Variants in SLC19A3 observed in about 807,000 individuals in gnomAD.
SLC19A3 encodes thiamine transporter 2.
SLC19A3 carries 31 observed loss-of-function variants against 40.2 expected under a neutral mutation model. That is an observed-to-expected ratio of 0.77 (90% CI 0.58 to 1.04). The LOEUF (loss-of-function observed/expected upper bound fraction) is 1.04, where lower values mean the gene tolerates loss of function less well. Among genes scored for constraint, SLC19A3 ranks in the 50% least tolerant of loss-of-function variants. SLC19A3 has a pLI of 0.00. For synonymous variants in SLC19A3, 212 were observed against 227.5 expected, an observed-to-expected ratio of 0.93 and a Z score of 0.61; for missense variants, 592 against 596.7, an observed-to-expected ratio of 0.99 and a Z score of 0.08.
Position 227,699,598 on chromosome 2 carries a change from A to C in SLC19A3, c.151-34T>G, listed in dbSNP as rs866435099. The C allele has an allele frequency of 2.5e-6, 4 of 1,577,632 alleles. No individual in the cohort carries two copies. The African/African-American group carries it at 5.4e-5, about 21-fold the overall frequency. On this transcript the variant is annotated intron_variant, in intron 2 of 5. Coordinates refer to ENST00000644224, the MANE Select transcript of SLC19A3 (RefSeq NM_025243.4). ...TTGGTAAATTGCATGACCACGAAGC[A>C]CCGGTACTTTACTAAGGTACCTGTG...
At chr2:227,689,226 T>A (rs1695131297) in intron 4 of SLC19A3, among the ~76,000 whole-genome samples, 1 of 152,048 alleles carries the variant, frequency 6.6e-6, no homozygotes, top group African/African-American at 2.4e-5. Context: ...ATCAGAGAGC[T>A]TCCCAAACCT....
chr2:227,713,401 T>TAA lies in SLC19A3; in HGVS notation c.-3+4540_-3+4541dup, dbSNP rs56014411. Among the ~76,000 whole-genome samples the TAA allele has an allele frequency of 4.4e-3, 489 of 110,530 alleles. 3 individuals carry two copies. Among genetic ancestry groups the TAA allele is most frequent in the African/African-American group, 0.016 (466 of 28,244 alleles). 72.5% of individuals were successfully genotyped at this position (110,530 alleles called of 152,430 possible). A position where few individuals can be genotyped will look rare whatever the true frequency, so the allele number is the denominator to read the frequency against. On this transcript the variant is annotated intron_variant, in intron 1 of 5. Coordinates refer to ENST00000644224, the MANE Select transcript of SLC19A3 (RefSeq NM_025243.4). Reference sequence around the variant, plus strand: ...TGGGCTGGACAGTGAGACCCTGTTGTAAAAAAAAAAAAAAAAAAAAAAGAG... The same window carrying TAA: ...TGGGCTGGACAGTGAGACCCTGTTGTAAAAAAAAAAAAAAAAAAAAAAAAGAG...
At chr2:227,706,914 A>C (rs112693960) in intron 1 of SLC19A3, among the ~76,000 whole-genome samples, 1,818 of 152,358 alleles carry the variant, frequency 0.012, 12 homozygotes, top group Middle Eastern at 0.027. Flanking sequence ...AGAGCAGCTA[A>C]ATCCACAACA....
intron 4 of SLC19A3, among the ~76,000 whole-genome samples, chr2:227,692,192 C>T (rs1201842256): frequency 2.6e-5 from 4 of 152,178 alleles, no homozygotes; most frequent in African/African-American, 7.2e-5. Flanking sequence ...GGAGGGAATA[C>T]TTCCAAACTC....
Position 227,688,265 on chromosome 2 carries a change from C to A in SLC19A3, c.1215G>T (p.Leu405Phe), listed in dbSNP as rs755120020. 9 of 1,613,830 alleles carry A rather than the reference C, an allele frequency of 5.6e-6. No individual in the cohort carries two copies. In the Admixed American group the frequency reaches 6.7e-5, roughly 12 times the overall value. ...AVNLNVERYA[L>F]VFGINTFIAL... ...CAATAAAGGTGTTGATTCCAAATACCAAGGCATAGCGTTCCACATTCAGAT... is the reference window on the plus strand; with the variant it reads ...CAATAAAGGTGTTGATTCCAAATACAAAGGCATAGCGTTCCACATTCAGAT... Residue 405 changes from leucine (L) to phenylalanine (F), a missense_variant, in exon 5 of 6, where the codon TTG (leucine) becomes TTT (phenylalanine). Coordinates refer to ENST00000644224, the MANE Select transcript of SLC19A3 (RefSeq NM_025243.4).
chr2:227,703,396 C>T lies in SLC19A3; in HGVS notation c.-2-1076G>A, dbSNP rs1045597331. ...TCACATCATTGCGGCTTGCCACTCA[C>T]CCTACCCTTTCCCAAGGTGACCCCG... On this transcript the variant is annotated intron_variant, in intron 1 of 5. Transcript: ENST00000644224. The surrounding 1 kb of genome is among the most constrained non-coding windows in gnomAD (Gnocchi z 4.7). 6.6e-6 allele frequency among the ~76,000 whole-genome samples: 1 copy of T among 152,128 alleles called. No individual in the cohort carries two copies. Among genetic ancestry groups the T allele is most frequent in the Admixed American group, 6.6e-5 (1 of 15,266 alleles).
chr2:227,686,470 C>G lies in SLC19A3; in HGVS notation c.*927G>C, dbSNP rs2106316198. On this transcript the variant is annotated 3_prime_UTR_variant, in exon 6 of 6. Coordinates refer to ENST00000644224, the MANE Select transcript of SLC19A3 (RefSeq NM_025243.4). ...AGTAGCTGAGACTACAGGCACACAC[C>G]ACGCTGCCCAGCTAATTTTTTAATT... 1 of 153,454 alleles carries G rather than the reference C, an allele frequency of 6.5e-6. No individual in the cohort carries two copies. The highest frequency in any genetic ancestry group is 1.9e-4 in the East Asian group (1 of 5,168). The allele number at this position is 153,454 out of a possible 1,614,324, so 9.5% of individuals were successfully genotyped here. A position where few individuals can be genotyped will look rare whatever the true frequency, so the allele number is the denominator to read the frequency against.
chr2:227,708,470 A>T (rs1696026147), intron 1 of SLC19A3, among the ~76,000 whole-genome samples: 1 of 152,110 alleles, frequency 6.6e-6, no homozygotes, highest in African/African-American at 2.4e-5. Context: ...ACGGTGGCTC[A>T]TGCCTGTAAT....
chr2:227,703,162 GA>G lies in SLC19A3; in HGVS notation c.-2-843del, dbSNP rs1039738004. On this transcript the variant is annotated intron_variant, in intron 1 of 5. Transcript: ENST00000644224. This position sits in a 1 kb window ranked among gnomAD's most constrained non-coding sequence, Gnocchi z 4.7. ...TAACCTAATGACAACCACAGTGAGGGAAAAAACGTGTATTTATAAACACATT... is the reference window on the plus strand; with the variant it reads ...TAACCTAATGACAACCACAGTGAGGGAAAAACGTGTATTTATAAACACATT... Among the ~76,000 whole-genome samples the G allele has an allele frequency of 6.6e-6, 1 of 152,116 alleles. No individual in the cohort carries two copies. The highest frequency in any genetic ancestry group is 1.5e-5 in the Non-Finnish European group (1 of 68,002).
chr2:227,696,038 C>G lies in SLC19A3; in HGVS notation c.1023G>C (p.Trp341Cys). 6.2e-7 allele frequency: 1 copy of G among 1,614,020 alleles called. No individual in the cohort carries two copies. The highest frequency in any genetic ancestry group is 8.5e-7 in the Non-Finnish European group (1 of 1,180,024). ...AFAVGYVKVNWDLLGELALVV... is the reference protein window; with the variant it reads ...AFAVGYVKVNCDLLGELALVV... ...CCAGAGCCAGCTCTCCCAGAAGGTC[C>G]CAGTTGACTTTCACATAACCCACTG... is the stretch of plus-strand genomic sequence containing the variant. The change falls in exon 4 of 6, where the codon TGG becomes TGC. Residue 341 changes from tryptophan to cysteine, a missense_variant. By Grantham distance (215) the Trp-to-Cys change is radical. Coordinates refer to ENST00000644224, the MANE Select transcript of SLC19A3 (RefSeq NM_025243.4).
rs1347873946 is a variant in SLC19A3, at chr2:227,703,509, G to A, written c.-2-1189C>T. ...TTGATTAAGCAGTGGAGAGACAAGA[G>A]CGATCAGATTTTGAAACTAGGATTA... On this transcript the variant is annotated intron_variant, in intron 1 of 5. Transcript: ENST00000644224. The surrounding 1 kb of genome is among the most constrained non-coding windows in gnomAD (Gnocchi z 4.7). Among the ~76,000 whole-genome samples, 2 of 152,198 alleles carry A rather than the reference G, an allele frequency of 1.3e-5. No homozygotes were observed. The highest frequency in any genetic ancestry group is 2.9e-5 in the Non-Finnish European group (2 of 68,046).
chr2:227,688,348 A>G (rs762651371), intron 4 of SLC19A3, 41 bp from the exon 5 acceptor site: 8 of 1,590,304 alleles, frequency 5.0e-6, no homozygotes, highest in Non-Finnish European at 6.9e-6. Flanking sequence ...TATAATATAC[A>G]TGGATGGAAG....
intron 1 of SLC19A3, among the ~76,000 whole-genome samples, chr2:227,717,184 G>A (rs1219432102): frequency 1.3e-5 from 2 of 151,808 alleles, no homozygotes; most frequent in African/African-American, 4.8e-5. Context: ...TGCCTTTTTA[G>A]TAGAGACGGG....
At chr2:227,709,755 A>G (rs959262809) in intron 1 of SLC19A3, among the ~76,000 whole-genome samples, 5 of 152,140 alleles carry the variant, frequency 3.3e-5, no homozygotes, top group African/African-American at 1.2e-4. Flanking sequence ...GGAGAAGAAC[A>G]AGATATTGGG....
At chr2:227,709,546 G>A (rs955819637) in intron 1 of SLC19A3, among the ~76,000 whole-genome samples, 11 of 152,014 alleles carry the variant, frequency 7.2e-5, no homozygotes, top group Non-Finnish European at 1.6e-4. Context: ...CTGAAGCCAG[G>A]GTGATTTTCT....
At position 227,707,618 on chromosome 2, in the gene SLC19A3, AAAC is replaced by A. The variant is rs933557197; in HGVS notation, c.-2-5301_-2-5299del. Among the ~76,000 whole-genome samples, 3 of 147,054 alleles carry A rather than the reference AAAC, an allele frequency of 2.0e-5. No homozygotes were observed. In the East Asian group the frequency reaches 1.0e-3, roughly 51 times the overall value. On this transcript the variant is annotated intron_variant, in intron 1 of 5. Transcript: ENST00000644224. ...CAATAAAATAAAATATAATAAAAAA[AAAC>A]AAATTTAAAAAATAATGGAAATAAT...
At chr2:227,690,949 T>G (rs958440027) in intron 4 of SLC19A3, among the ~76,000 whole-genome samples, 7 of 152,082 alleles carry the variant, frequency 4.6e-5, no homozygotes, top group Non-Finnish European at 7.3e-5. Context: ...GAACTTTTCA[T>G]CCAATGGCCA....
intron 5 of SLC19A3, 143 bp from the exon 6 acceptor site, chr2:227,687,716 C>T: frequency 1.3e-6 from 1 of 764,424 alleles, no homozygotes; most frequent in Non-Finnish European, 2.2e-6. Flanking sequence ...TTGAACAATA[C>T]TCTCCTATCA....
At chr2:227,698,408 G>T (rs1695525560) in intron 3 of SLC19A3, among the ~76,000 whole-genome samples, 1 of 152,012 alleles carries the variant, frequency 6.6e-6, no homozygotes, top group Non-Finnish European at 1.5e-5. Context: ...TGATTCGCCA[G>T]CCTCGGCCTC....
Sources: allele counts gnomAD v4.1 joint callset (sites outside exome capture counted in the v4.1 genomes callset), GRCh38; gene constraint gnomAD v4.1.1; non-coding constraint Gnocchi (gnomAD v3.1); transcripts MANE v1.5; gene names NCBI Gene and HGNC (gene_info 2026-07-23, HGNC 2026-07-21).